The following MIGA1 variants were observed in gnomAD, a reference collection of about 807,000 sequenced individuals.
The protein encoded by MIGA1 is family with sequence similarity 73, member A.
A neutral mutation model predicts 82.0 loss-of-function variants in MIGA1; 58 were observed. The ratio of observed to expected loss-of-function variants is 0.71; its 90% CI spans 0.57 to 0.88. The LOEUF (loss-of-function observed/expected upper bound fraction) is 0.88, where lower values mean the gene tolerates loss of function less well. Ranked by LOEUF, MIGA1 falls within the 40% of genes least tolerant of loss-of-function variation. The pLI, the probability that MIGA1 is intolerant of heterozygous loss-of-function variation, is 0.00. For missense variants in MIGA1, 751 were observed against 749.1 expected (o/e 1.00, Z -0.03); for synonymous variants, 249 against 253.6 (o/e 0.98, Z 0.17).
intron 8 of MIGA1, among the ~76,000 whole-genome samples, chr1:77,858,148 A>G (rs1030590432): frequency 9.9e-5 from 15 of 152,222 alleles, no homozygotes; most frequent in Middle Eastern, 3.4e-3. Flanking sequence ...CCAGTTCGAG[A>G]CCAGCCTGGC....
At chr1:77,844,100 TAAAAAAA>T (rs140327554) in intron 8 of MIGA1, among the ~76,000 whole-genome samples, 1 of 68,454 alleles carries the variant, frequency 1.5e-5, no homozygotes, top group Non-Finnish European at 2.7e-5. Flanking sequence ...GACCCTGTCT[TAAAAAAA>T]AAAAAAATAT....
At chr1:77,859,893 A>C in intron 10 of MIGA1, 147 bp from the exon 11 acceptor site, 1 of 578,660 alleles carries the variant, frequency 1.7e-6, no homozygotes, top group Non-Finnish European at 3.0e-6. Flanking sequence ...TATTTTAGTA[A>C]ATTAGGACTT....
chr1:77,863,905 A>G lies in MIGA1; in HGVS notation c.1386A>G (p.Leu462=). ...ATAATTTAATGCAGGTGAAAAATCT[A>G]AATTTTTATGATGTTGTTCTGGATT... The change falls in exon 13 of 16, where the codon CTA becomes CTG. Residue 462 remains leucine, a synonymous_variant. Coordinates refer to ENST00000370791, the MANE Select transcript of MIGA1 (RefSeq NM_198549.4). 1 of 1,559,130 alleles carries G rather than the reference A, an allele frequency of 6.4e-7. No individual in the cohort carries two copies. Among genetic ancestry groups the G allele is most frequent in the South Asian group, 1.2e-5 (1 of 83,678 alleles).
chr1:77,868,371 C>T (rs1044460746), intron 14 of MIGA1: 3 of 152,150 alleles, frequency 2.0e-5, no homozygotes, highest in East Asian at 3.9e-4. Flanking sequence ...GGATTACAGG[C>T]GCTTGCCACC....
chr1:77,858,904 G>T lies in MIGA1; in HGVS notation c.997-34G>T, dbSNP rs765023354. 4.8e-6 allele frequency: 6 copies of T among 1,254,610 alleles called. No homozygotes were observed. In the South Asian group the frequency reaches 7.3e-5, roughly 15 times the overall value. The allele number at this position is 1,254,610 out of a possible 1,614,324, so 77.7% of individuals were successfully genotyped here. A position where few individuals can be genotyped will look rare whatever the true frequency, so the allele number is the denominator to read the frequency against. Reference sequence around the variant, plus strand: ...TTACAGGCATGAGCCACTGCACCTAGCCTGTATTCTGTTCTAACCCACCGT... The same window carrying T: ...TTACAGGCATGAGCCACTGCACCTATCCTGTATTCTGTTCTAACCCACCGT... On this transcript the variant is annotated intron_variant, in intron 8 of 15. Transcript: ENST00000370791.
Position 77,779,752 on chromosome 1 carries a change from C to CGGGGT in MIGA1, c.81+24_81+28dup. The CGGGGT allele has an allele frequency of 1.4e-6, 1 of 722,990 alleles. No homozygotes were observed. Among genetic ancestry groups the CGGGGT allele is most frequent in the Non-Finnish European group, 2.2e-6 (1 of 456,018 alleles). The allele number at this position is 722,990 out of a possible 1,614,324, so 44.8% of individuals were successfully genotyped here. ...GGAGCTCCAGGTACAGGGCCAGGGG[C>CGGGGT]GGGGTGGGGTGGAGAGGCGGGCGGG... On this transcript the variant is annotated intron_variant, in intron 1 of 15. Transcript: ENST00000370791.
At chr1:77,820,398 C>T (rs1683756984) in intron 7 of MIGA1, among the ~76,000 whole-genome samples, 1 of 152,188 alleles carries the variant, frequency 6.6e-6, no homozygotes, top group Admixed American at 6.5e-5. Context: ...GGTTCAACTC[C>T]TGACATTTCC....
At chr1:77,828,291 G>A (rs1438075102) in intron 7 of MIGA1, among the ~76,000 whole-genome samples, 1 of 152,166 alleles carries the variant, frequency 6.6e-6, no homozygotes, top group Non-Finnish European at 1.5e-5. Context: ...ATGTTTATCA[G>A]AATCACCTTC....
At chr1:77,816,109 A>G (rs1222659370) in intron 7 of MIGA1, among the ~76,000 whole-genome samples, 1 of 151,936 alleles carries the variant, frequency 6.6e-6, no homozygotes, top group Non-Finnish European at 1.5e-5. Flanking sequence ...ATACCCAGCT[A>G]ATTTTTGTAT....
chr1:77,805,692 G>C (rs894052720), intron 4 of MIGA1, among the ~76,000 whole-genome samples: 39 of 151,706 alleles, frequency 2.6e-4, no homozygotes, highest in African/African-American at 9.2e-4. Flanking sequence ...ACCACACCTG[G>C]CTAATTTTTG....
chr1:77,857,325 T>C (rs1685297165), intron 8 of MIGA1, among the ~76,000 whole-genome samples: 1 of 150,452 alleles, frequency 6.6e-6, no homozygotes, highest in Admixed American at 6.6e-5. Flanking sequence ...TACTTTGGTT[T>C]TTTTTTTTTT....
chr1:77,791,752 C>T (rs1271230380), intron 2 of MIGA1, among the ~76,000 whole-genome samples: 3 of 151,556 alleles, frequency 2.0e-5, no homozygotes, highest in African/African-American at 4.9e-5. Context: ...TTAGTAGAGA[C>T]AGGGTTTCAC....
chr1:77,789,448 G>A (rs1426999932), intron 2 of MIGA1, among the ~76,000 whole-genome samples: 2 of 151,978 alleles, frequency 1.3e-5, no homozygotes, highest in African/African-American at 2.4e-5. Context: ...GGATTCAAGC[G>A]ATCCTCCCGT....
At chr1:77,784,307 C>T (rs146064899) in intron 2 of MIGA1, among the ~76,000 whole-genome samples, 1,913 of 152,116 alleles carry the variant, frequency 0.013, 39 homozygotes, top group African/African-American at 0.044. Flanking sequence ...TCACTGCAGC[C>T]TCAAACTCCT....
intron 5 of MIGA1, chr1:77,811,750 C>G: frequency 1.2e-6 from 2 of 1,607,940 alleles, no homozygotes; most frequent in Non-Finnish European, 1.7e-6. Flanking sequence ...GGCGCCCCAG[C>G]GCTGCAGCAG....
chr1:77,860,187 C>G (rs1260056526), intron 11 of MIGA1, 61 bp downstream of exon 11: 1 of 1,205,902 alleles, frequency 8.3e-7, no homozygotes, highest in Non-Finnish European at 1.2e-6. Context: ...ACCCTTTGAA[C>G]TGAAGATTAA....
chr1:77,868,943 T>TA (rs1168432879), intron 14 of MIGA1, among the ~76,000 whole-genome samples: 2 of 133,446 alleles, frequency 1.5e-5, no homozygotes, highest in African/African-American at 3.8e-5. Flanking sequence ...TTTATTTATT[T>TA]TTTTTTTTTA....
At chr1:77,815,042 G>T in intron 6 of MIGA1, 66 bp from the exon 7 acceptor site, 1 of 1,141,504 alleles carries the variant, frequency 8.8e-7, no homozygotes, top group Non-Finnish European at 1.2e-6. Flanking sequence ...TTTAAAAGTG[G>T]GAAAAATATT....
chr1:77,794,972 T>G (rs983399486), intron 2 of MIGA1, among the ~76,000 whole-genome samples: 1 of 148,964 alleles, frequency 6.7e-6, no homozygotes, highest in Admixed American at 6.7e-5. Flanking sequence ...GAGTTTTTTG[T>G]TTTTTTTTTA....
Sources: allele counts gnomAD v4.1 joint callset (sites outside exome capture counted in the v4.1 genomes callset), GRCh38; gene constraint gnomAD v4.1.1; transcripts MANE v1.5; gene names NCBI Gene and HGNC (gene_info 2026-07-23, HGNC 2026-07-21).